SMC3: variants seen among roughly 807,000 people sequenced by gnomAD.
SMC3 encodes the protein structural maintenance of chromosomes 3.
A neutral mutation model predicts 171.8 loss-of-function variants in SMC3; 20 were observed. The observed-to-expected ratio is 0.12, with a 90% CI of 0.08 to 0.17. SMC3 has a LOEUF of 0.17. Ranked by LOEUF, SMC3 falls within the 10% of genes least tolerant of loss-of-function variation. The probability of loss-of-function intolerance (pLI) is 1.00; values close to 1 mark genes in which losing one functional copy is unlikely to be tolerated. For missense variants in SMC3, 543 were observed against 1,420.4 expected, an observed-to-expected ratio of 0.38 and a Z score of 9.93; for synonymous variants, 464 against 451.1, an observed-to-expected ratio of 1.03 and a Z score of -0.36.
intron 2 of SMC3, among the ~76,000 whole-genome samples, chr10:110,571,017 A>G (rs1033294978): frequency 6.6e-6 from 1 of 152,238 alleles, no homozygotes; most frequent in Non-Finnish European, 1.5e-5. Context: ...TGTTGGGTAT[A>G]TGCATCAAAC....
rs763587682 is a variant in SMC3, at chr10:110,567,849, C to T, written c.15+18C>T. 4.3e-6 allele frequency: 7 copies of T among 1,613,244 alleles called. No homozygotes were observed. The highest frequency in any genetic ancestry group is 5.1e-6 in the Non-Finnish European group (6 of 1,179,722). ...TAAAGCAGGTAAGGCCTTCGCGTCC[C>T]TCCACCCCGTCATGGGCCGGTAAGG... On this transcript the variant is annotated intron_variant, in intron 1 of 28. Coordinates refer to ENST00000361804, the MANE Select transcript of SMC3 (RefSeq NM_005445.4).
intron 18 of SMC3, among the ~76,000 whole-genome samples, chr10:110,594,693 A>C (rs931365137): frequency 1.3e-5 from 2 of 152,058 alleles, no homozygotes; most frequent in African/African-American, 2.4e-5. Context: ...TTTGTTGAAG[A>C]AAGCAGGTAA....
intron 10 of SMC3, among the ~76,000 whole-genome samples, chr10:110,582,985 G>A (rs1036205440): frequency 6.8e-6 from 1 of 147,558 alleles, no homozygotes; most frequent in Non-Finnish European, 1.5e-5. Context: ...AGGCTGGAGT[G>A]CAGTGGTGAG....
At chr10:110,574,610 G>T (rs1860919759) in intron 3 of SMC3, among the ~76,000 whole-genome samples, 1 of 152,196 alleles carries the variant, frequency 6.6e-6, no homozygotes, top group Admixed American at 6.5e-5. Context: ...GCAGTGTGAA[G>T]TCTCCTCACC....
intron 2 of SMC3, 137 bp from the exon 3 acceptor site, chr10:110,573,570 G>A: frequency 5.3e-6 from 2 of 378,180 alleles, no homozygotes; most frequent in South Asian, 2.9e-5. Flanking sequence ...GGTTTCTTTT[G>A]TTCACTGTTT....
At chr10:110,584,047 C>A in intron 12 of SMC3, 85 bp downstream of exon 12, 2 of 1,537,432 alleles carry the variant, frequency 1.3e-6, no homozygotes, top group Non-Finnish European at 1.8e-6. Flanking sequence ...TATATAGTAG[C>A]TGCTTTTTAC....
At chr10:110,593,474 G>T (rs778294250) in intron 18 of SMC3, among the ~76,000 whole-genome samples, 12 of 151,738 alleles carry the variant, frequency 7.9e-5, no homozygotes, top group Non-Finnish European at 5.9e-5. Flanking sequence ...CAGGAGGCTG[G>T]GGCAGGAGAA....
At chr10:110,585,081 C>G (rs1276094630) in intron 13 of SMC3, among the ~76,000 whole-genome samples, 1 of 151,788 alleles carries the variant, frequency 6.6e-6, no homozygotes, top group South Asian at 2.1e-4. Flanking sequence ...GGCGCAATTT[C>G]GGCTCACTGC....
rs928946362 is a variant in SMC3 at position 110,590,007 on chromosome 10, T to C, written c.1509+16T>C. 4.4e-6 allele frequency: 7 copies of C among 1,600,544 alleles called. No individual in the cohort carries two copies. Among genetic ancestry groups the C allele is most frequent in the Non-Finnish European group, 6.0e-6 (7 of 1,168,036 alleles). On this transcript the variant is annotated intron_variant, in intron 15 of 28. Transcript: ENST00000361804. ...AACAGGAAAGGTGGGCAGGTTCTTTTCATCACCTCTGTTTACACTGAGTCA... is the reference window on the plus strand; with the variant it reads ...AACAGGAAAGGTGGGCAGGTTCTTTCCATCACCTCTGTTTACACTGAGTCA...
chr10:110,600,961 C>T (rs1008850557), intron 22 of SMC3, 61 bp from the exon 23 acceptor site: 8 of 1,167,446 alleles, frequency 6.9e-6, no homozygotes, highest in Non-Finnish European at 1.0e-5. Flanking sequence ...AGACAATAGC[C>T]ATAGAAAATG....
chr10:110,605,694 A>AT lies in SMC3; in HGVS notation c.*1393dup, dbSNP rs1861458186. ...TGATCTATAATAGAGAATTTGGTAT[A>AT]TGTTCTATCTATGACTACATTCAAA... On this transcript the variant is annotated 3_prime_UTR_variant, in exon 29 of 29. Transcript: ENST00000361804. Among the ~76,000 whole-genome samples, 1 of 152,196 alleles carries AT rather than the reference A, an allele frequency of 6.6e-6. No individual in the cohort carries two copies. The highest frequency in any genetic ancestry group is 1.5e-5 in the Non-Finnish European group (1 of 68,028).
rs747317470 is a variant in SMC3, at chr10:110,567,792, C to T, written c.-25C>T. ...GCGGTTGCTGCTCCGGGGCAGGTCT[C>T]CTTCCAGGCCAGGGGCCCGGAATCA... is the stretch of plus-strand genomic sequence containing the variant. On this transcript the variant is annotated 5_prime_UTR_variant, in exon 1 of 29. Transcript: ENST00000361804. 7 of 1,613,396 alleles carry T rather than the reference C, an allele frequency of 4.3e-6. No homozygotes were observed. Among genetic ancestry groups the T allele is most frequent in the Middle Eastern group, 1.7e-4 (1 of 6,048 alleles).
At chr10:110,567,969 G>A in intron 1 of SMC3, 138 bp downstream of exon 1, 2 of 1,091,330 alleles carry the variant, frequency 1.8e-6, no homozygotes, top group Admixed American at 2.2e-5. Flanking sequence ...TGTGGGGGAG[G>A]AGGGAGACCC....
At chr10:110,584,592 C>T (rs188314123) in intron 13 of SMC3, among the ~76,000 whole-genome samples, 196 bp downstream of exon 13, 7 of 152,042 alleles carry the variant, frequency 4.6e-5, no homozygotes, top group Admixed American at 4.6e-4. Flanking sequence ...GTCATTGAGC[C>T]TTTATGTAGA....
chr10:110,594,416 A>T (rs1347485627), intron 18 of SMC3, among the ~76,000 whole-genome samples: 1 of 152,112 alleles, frequency 6.6e-6, no homozygotes, highest in African/African-American at 2.4e-5. Flanking sequence ...CATGTAAACA[A>T]TATTTTGACA....
At chr10:110,590,886 A>G in intron 16 of SMC3, 105 bp from the exon 17 acceptor site, 1 of 996,974 alleles carries the variant, frequency 1.0e-6, no homozygotes, top group South Asian at 1.3e-5. Flanking sequence ...GCACACCTTT[A>G]GTCCCAGCTA....
rs1861440563 is a variant in SMC3, at chr10:110,604,555, C to T, written c.*253C>T. On this transcript the variant is annotated 3_prime_UTR_variant, in exon 29 of 29. Coordinates refer to ENST00000361804, the MANE Select transcript of SMC3 (RefSeq NM_005445.4). Reference sequence around the variant, plus strand: ...CCTATTTTAAATGTTTTGAAACATGCTAAATATTCTTTCCTAATTATTTTA... The same window carrying T: ...CCTATTTTAAATGTTTTGAAACATGTTAAATATTCTTTCCTAATTATTTTA... 2.4e-6 allele frequency: 1 copy of T among 420,798 alleles called. No homozygotes were observed. Among genetic ancestry groups the T allele is most frequent in the Non-Finnish European group, 4.3e-6 (1 of 231,974 alleles). 26.1% of individuals were successfully genotyped at this position (420,798 alleles called of 1,614,324 possible).
intron 2 of SMC3, 85 bp from the exon 3 acceptor site, chr10:110,573,622 A>T: frequency 1.1e-6 from 1 of 927,788 alleles, no homozygotes; most frequent in Non-Finnish European, 1.7e-6. Context: ...GGATTTTAAA[A>T]ATATTGAGTA....
intron 13 of SMC3, among the ~76,000 whole-genome samples, chr10:110,586,899 C>T (rs563500602): frequency 6.6e-6 from 1 of 152,060 alleles, no homozygotes; most frequent in African/African-American, 2.4e-5. Context: ...TCAGGTGATC[C>T]GCCCACCTGA....
Sources: gnomAD v4.1 joint callset for allele counts (sites outside exome capture counted in the v4.1 genomes callset) on GRCh38, gnomAD v4.1.1 for gene constraint, MANE v1.5 for transcripts, NCBI Gene and HGNC (gene_info 2026-07-23, HGNC 2026-07-21) for gene names.